The following THEMIS variants were observed in gnomAD, a reference collection of about 807,000 sequenced individuals.
THEMIS encodes the protein thymocyte selection associated.
In THEMIS, 37 loss-of-function variants were observed where a neutral mutation model predicts 52.6. The observed-to-expected ratio is 0.70, with a 90% confidence interval of 0.54 to 0.93. THEMIS has a LOEUF of 0.93. THEMIS is among the 40% of genes least tolerant of loss of function. The probability of loss-of-function intolerance (pLI) is 0.00; values close to 1 mark genes in which losing one functional copy is unlikely to be tolerated. For missense variants in THEMIS, 808 were observed against 763.1 expected, an observed-to-expected ratio of 1.06 and a Z score of -0.69; for synonymous variants, 292 against 272.7, an observed-to-expected ratio of 1.07 and a Z score of -0.70.
At position 127,813,327 on chromosome 6, in the gene THEMIS, A is replaced by G. The variant is rs761940004; in HGVS notation, c.1314T>C (p.Ile438=). The G allele has an allele frequency of 2.5e-6, 4 of 1,614,170 alleles. No homozygotes were observed. The highest frequency in any genetic ancestry group is 2.5e-6 in the Non-Finnish European group (3 of 1,180,030). The change falls in exon 4 of 6, where the codon ATT becomes ATC. Residue 438 remains isoleucine (I), a synonymous_variant. Transcript: ENST00000368248. ...AAATCGGGTACTGTTTCTTATCATGAATCACCTCTACAAAACCTCCTTCCA... is the reference window on the plus strand; with the variant it reads ...AAATCGGGTACTGTTTCTTATCATGGATCACCTCTACAAAACCTCCTTCCA... ...LYMEGGFVEV[I]HDKKQYPISE... is the part of the protein sequence containing the mutation.
At chr6:127,809,975 A>C (rs1027412894) in intron 4 of THEMIS, among the ~76,000 whole-genome samples, 1 of 151,592 alleles carries the variant, frequency 6.6e-6, no homozygotes, top group East Asian at 1.9e-4. Flanking sequence ...CTAGAGTGAG[A>C]CTCAGAATTG....
intron 1 of THEMIS, among the ~76,000 whole-genome samples, chr6:127,906,136 T>C (rs1383083838): frequency 2.6e-5 from 4 of 151,248 alleles, no homozygotes; most frequent in African/African-American, 9.7e-5. Flanking sequence ...ATATACAATT[T>C]AGTTATAAGT....
At position 127,884,170 on chromosome 6, in the gene THEMIS, G is replaced by T. The variant is rs552519671; in HGVS notation, c.91+16672C>A. Among the ~76,000 whole-genome samples, 18 of 152,178 alleles carry T rather than the reference G, an allele frequency of 1.2e-4. No individual in the cohort carries two copies. The East Asian group carries it at 3.1e-3, about 26-fold the overall frequency. On this transcript the variant is annotated intron_variant, in intron 1 of 5. Coordinates refer to ENST00000368248, the MANE Select transcript of THEMIS (RefSeq NM_001010923.3). The stretch of plus-strand genomic sequence containing the variant: ...CTTCCAACATGGAGACTAGTTGTTT[G>T]GTTTGTTTGTTTTGCTTTACAGGCT...
intron 4 of THEMIS, among the ~76,000 whole-genome samples, chr6:127,746,733 AATT>A (rs1348494258): frequency 1.0e-5 from 1 of 99,212 alleles, no homozygotes; most frequent in Non-Finnish European, 1.8e-5. Context: ...ATTATTATAT[AATT>A]ATATTATATA....
chr6:127,832,607 G>C (rs1778731756), intron 2 of THEMIS, among the ~76,000 whole-genome samples: 1 of 151,970 alleles, frequency 6.6e-6, no homozygotes. Flanking sequence ...TTCTCAAAGT[G>C]TACAATCGTT....
At chr6:127,904,863 G>T (rs575150862), upstream of THEMIS, among the ~76,000 whole-genome samples, 15 of 151,972 alleles carry the variant, frequency 9.9e-5, no homozygotes, top group Non-Finnish European at 2.1e-4. Context: ...TTCAATAATT[G>T]GTTTTAACAG....
chr6:127,717,187 T>A (rs572644495), intron 5 of THEMIS, among the ~76,000 whole-genome samples: 191 of 137,934 alleles, frequency 1.4e-3, no homozygotes, highest in Non-Finnish European at 2.4e-3. Context: ...ACCTATTTGA[T>A]CTAATATAAT....
chr6:127,809,619 TC>T (rs1042932032), intron 4 of THEMIS, among the ~76,000 whole-genome samples: 1 of 152,084 alleles, frequency 6.6e-6, no homozygotes, highest in Non-Finnish European at 1.5e-5. Flanking sequence ...TTCTCAACTG[TC>T]TGATAAATTC....
intron 4 of THEMIS, among the ~76,000 whole-genome samples, chr6:127,742,776 AAAT>A (rs1335884690): frequency 2.6e-5 from 4 of 152,056 alleles, no homozygotes; most frequent in African/African-American, 9.7e-5. Context: ...GGTGGGGGAG[AAAT>A]AAAAAGTTAT....
At chr6:127,704,934 G>C (rs911617178), downstream of THEMIS, among the ~76,000 whole-genome samples, 6 of 152,206 alleles carry the variant, frequency 3.9e-5, no homozygotes, top group Admixed American at 2.6e-4. Context: ...ATGGATTACT[G>C]TTGCACTAGA....
At chr6:127,776,334 GTGATGGAATCTCATCTC>G (rs1204311484) in intron 4 of THEMIS, among the ~76,000 whole-genome samples, 1 of 152,334 alleles carries the variant, frequency 6.6e-6, no homozygotes, top group East Asian at 1.9e-4. Context: ...TAAAGCAGAT[GTGATGGAATCTCATCTC>G]TGAAATTAGG....
chr6:127,754,042 G>A (rs923907146), intron 4 of THEMIS, among the ~76,000 whole-genome samples: 1 of 152,062 alleles, frequency 6.6e-6, no homozygotes, highest in Non-Finnish European at 1.5e-5. Context: ...AACTCATTGA[G>A]CTGTATACAT....
chr6:127,837,398 T>G (rs1164589801), intron 2 of THEMIS, among the ~76,000 whole-genome samples: 2 of 152,232 alleles, frequency 1.3e-5, no homozygotes, highest in Admixed American at 1.3e-4. Flanking sequence ...TGTTGTTGAG[T>G]ACATGTTATG....
upstream of THEMIS, among the ~76,000 whole-genome samples, chr6:127,903,235 G>A (rs1364785482): frequency 2.0e-5 from 3 of 151,898 alleles, no homozygotes; most frequent in Admixed American, 6.6e-5. Flanking sequence ...AGACCAGATC[G>A]TAATCACTTC....
At chr6:127,846,651 T>C (rs894154552) in intron 2 of THEMIS, among the ~76,000 whole-genome samples, 6 of 151,718 alleles carry the variant, frequency 4.0e-5, no homozygotes, top group African/African-American at 1.5e-4. Flanking sequence ...AATTTAAAAA[T>C]TGCCAACCAA....
At position 127,881,080 on chromosome 6, in the gene THEMIS, T is replaced by A. The variant is rs73773927; in HGVS notation, c.91+19762A>T. 3.8e-3 allele frequency among the ~76,000 whole-genome samples: 581 copies of A among 152,200 alleles called. 3 individuals are homozygous for A. Among genetic ancestry groups the A allele is most frequent in the African/African-American group, 0.014 (565 of 41,548 alleles). ...AGACATTTCTAAAATCCAAGTTTTA[T>A]CATCTTTTTTTGCACACTAACTTGA... On this transcript the variant is annotated intron_variant, in intron 1 of 5. Transcript: ENST00000368248.
chr6:127,793,151 A>G (rs1423705748), intron 4 of THEMIS, among the ~76,000 whole-genome samples: 3 of 152,222 alleles, frequency 2.0e-5, no homozygotes, highest in Non-Finnish European at 4.4e-5. Context: ...TATTGCACAG[A>G]ATCAAAAGCA....
At chr6:127,805,133 T>G (rs1777657596) in intron 4 of THEMIS, among the ~76,000 whole-genome samples, 1 of 152,132 alleles carries the variant, frequency 6.6e-6, no homozygotes, top group Non-Finnish European at 1.5e-5. Flanking sequence ...TCTGATTTTA[T>G]AGAATTCTCT....
At chr6:127,753,632 G>T (rs1775722377) in intron 4 of THEMIS, among the ~76,000 whole-genome samples, 1 of 151,916 alleles carries the variant, frequency 6.6e-6, no homozygotes, top group African/African-American at 2.4e-5. Flanking sequence ...ACCCTGAAAA[G>T]CTAAATCAAT....
Sources: allele counts gnomAD v4.1 joint callset (sites outside exome capture counted in the v4.1 genomes callset), GRCh38; gene constraint gnomAD v4.1.1; transcripts MANE v1.5; gene names NCBI Gene and HGNC (gene_info 2026-07-23, HGNC 2026-07-21).